The following SASH1 variants were observed in gnomAD, a reference collection of about 807,000 sequenced individuals.
The protein encoded by SASH1 is SAM and SH3 domain containing 1.
SASH1 carries 44 observed loss-of-function variants against 125.2 expected under a neutral mutation model. That is an observed-to-expected ratio of 0.35 (90% CI 0.28 to 0.45). The LOEUF is 0.45. Ranked by LOEUF, SASH1 falls within the 20% of genes least tolerant of loss-of-function variation. SASH1 has a pLI of 1.00. For synonymous variants in SASH1, 639 were observed against 649.1 expected (o/e 0.98, Z 0.24); for missense variants, 1,426 against 1,614.5 (o/e 0.88, Z 2.00).
At chr6:148,466,942 AT>A (rs905771851) in intron 4 of SASH1, among the ~76,000 whole-genome samples, 1 of 151,924 alleles carries the variant, frequency 6.6e-6, no homozygotes, top group African/African-American at 2.4e-5. Flanking sequence ...TCAGGTTTAA[AT>A]CCCCCAAGTG....
intron 1 of SASH1, among the ~76,000 whole-genome samples, chr6:148,279,054 C>A (rs1034761019): frequency 6.6e-6 from 1 of 151,266 alleles, no homozygotes; most frequent in Non-Finnish European, 1.5e-5. Flanking sequence ...TGCAGTGGTG[C>A]GATCTCAGCT....
chr6:148,261,624 C>T, the SASH1 span, among the ~76,000 whole-genome samples: 28 of 152,238 alleles, frequency 1.8e-4, no homozygotes, highest in African/African-American at 6.7e-4. Flanking sequence ...GTAGAACAGT[C>T]CCAGCGCCAC....
At position 148,548,381 on chromosome 6, in the gene SASH1, C is replaced by G. The variant is rs753697392; in HGVS notation, c.3567C>G (p.Ile1189Met). Residue 1189 changes from isoleucine to methionine, a missense_variant, in exon 20 of 20, where the codon ATC becomes ATG. By Grantham distance (10) the Ile-to-Met change is conservative (BLOSUM62 1). This residue lies in a region of SASH1 where 634 missense variants were observed against 694.4 expected (regional missense o/e 0.91). Transcript: ENST00000367467. Reference sequence around the variant, plus strand: ...CTGTGTCAGATTGGCTCATTTCCATCGGTCTGCCCATGTACGCCGGCACCC... The same window carrying G: ...CTGTGTCAGATTGGCTCATTTCCATGGGTCTGCCCATGTACGCCGGCACCC... Reference protein sequence around the residue: ...ISSVSDWLISIGLPMYAGTLS... With the variant: ...ISSVSDWLISMGLPMYAGTLS... 6.2e-7 allele frequency: 1 copy of G among 1,614,220 alleles called. No individual in the cohort carries two copies.
chr6:148,537,683 T>C (rs536770006), intron 16 of SASH1, among the ~76,000 whole-genome samples: 6 of 152,326 alleles, frequency 3.9e-5, no homozygotes, highest in African/African-American at 1.4e-4. Context: ...CCTTCTCTTC[T>C]TTCCCAAGGT....
At chr6:148,427,451 G>A (rs969867523) in intron 2 of SASH1, among the ~76,000 whole-genome samples, 5 of 152,174 alleles carry the variant, frequency 3.3e-5, no homozygotes, top group African/African-American at 1.2e-4. Context: ...TGTAAAAGGT[G>A]CATTCTTCTA....
At chr6:148,217,541 C>A in the SASH1 span, among the ~76,000 whole-genome samples, 1 of 152,170 alleles carries the variant, frequency 6.6e-6, no homozygotes, top group East Asian at 1.9e-4. Context: ...ACACAGCCAG[C>A]ATGTGGTGGA....
At chr6:148,297,700 T>A (rs1779801652) in intron 1 of SASH1, among the ~76,000 whole-genome samples, 3 of 152,032 alleles carry the variant, frequency 2.0e-5, no homozygotes, top group Admixed American at 2.0e-4. Flanking sequence ...TGTGGCAGCG[T>A]GCACCTGTAG....
intron 1 of SASH1, among the ~76,000 whole-genome samples, chr6:148,372,981 G>C (rs1429037426): frequency 6.6e-6 from 1 of 152,108 alleles, no homozygotes; most frequent in Admixed American, 6.5e-5. Flanking sequence ...GATCACCTGA[G>C]GTCAGGAGTT....
At chr6:148,505,414 A>C (rs769187184) in intron 8 of SASH1, among the ~76,000 whole-genome samples, 1 of 152,174 alleles carries the variant, frequency 6.6e-6, no homozygotes, top group Non-Finnish European at 1.5e-5. Context: ...CCCAGGTTCA[A>C]GCGATTCTTG....
chr6:148,527,892 T>C (rs1228446673), intron 12 of SASH1, among the ~76,000 whole-genome samples: 2 of 151,934 alleles, frequency 1.3e-5, no homozygotes, highest in Non-Finnish European at 2.9e-5. Context: ...GCACTAAGCG[T>C]TGTAAATTTG....
chr6:148,452,574 C>T (rs1487347661), intron 4 of SASH1, among the ~76,000 whole-genome samples: 3 of 152,152 alleles, frequency 2.0e-5, no homozygotes, highest in Admixed American at 6.5e-5. Context: ...ACAAGTTATT[C>T]GAATTCTTTA....
intron 8 of SASH1, among the ~76,000 whole-genome samples, chr6:148,505,740 C>T (rs533972167): frequency 5.3e-5 from 8 of 152,160 alleles, no homozygotes; most frequent in African/African-American, 1.7e-4. Context: ...CAGGTTCAAG[C>T]AATTCTCCTG....
intron 2 of SASH1, among the ~76,000 whole-genome samples, chr6:148,399,184 T>G (rs1368857680): frequency 1.3e-5 from 2 of 151,284 alleles, no homozygotes; most frequent in East Asian, 3.9e-4. Context: ...AGCTTCAGAT[T>G]TTTCAAATGT....
In SASH1 at chr6:148,540,695, T is replaced by A. The variant is rs1428818874; in HGVS notation, c.2209+139T>A. 9.2e-6 allele frequency: 6 copies of A among 652,700 alleles called. No individual in the cohort carries two copies. In the East Asian group the frequency reaches 1.7e-4, roughly 19 times the overall value. 40.4% of individuals were successfully genotyped at this position (652,700 alleles called of 1,614,324 possible). A position where few individuals can be genotyped will look rare whatever the true frequency, so the allele number is the denominator to read the frequency against. ...CTTTCTCACCTCTACACCATTCTAGTCCAAGTTAGCCTCCCTATCTATTCT... is the reference window on the plus strand; with the variant it reads ...CTTTCTCACCTCTACACCATTCTAGACCAAGTTAGCCTCCCTATCTATTCT... On this transcript the variant is annotated intron_variant, in intron 17 of 19. Transcript: ENST00000367467.
At chr6:148,333,851 C>G (rs1240258412) in intron 1 of SASH1, among the ~76,000 whole-genome samples, 1 of 151,744 alleles carries the variant, frequency 6.6e-6, no homozygotes, top group Non-Finnish European at 1.5e-5. Flanking sequence ...TAGACACAGT[C>G]ACGCTGTGTC....
At chr6:148,474,955 A>G (rs1778277448) in intron 7 of SASH1, among the ~76,000 whole-genome samples, 1 of 152,210 alleles carries the variant, frequency 6.6e-6, no homozygotes, top group African/African-American at 2.4e-5. Context: ...ATCCAAGTAA[A>G]TATTAATTGC....
rs1191557477 is a variant in SASH1 at position 148,360,347 on chromosome 6, G to GTT, written c.156+17140_156+17141dup. 4.1e-4 allele frequency among the ~76,000 whole-genome samples: 51 copies of GTT among 125,718 alleles called. 1 individual carries two copies. Among genetic ancestry groups the GTT allele is most frequent in the Non-Finnish European group, 5.5e-4 (32 of 58,064 alleles). 82.5% of individuals were successfully genotyped at this position (125,718 alleles called of 152,430 possible). The stretch of plus-strand genomic sequence containing the variant: ...CACAGGACTTGCTTTTAATGCCTTT[G>GTT]TTTTTTTTTTTTTTTTTCGAGACAG... On this transcript the variant is annotated intron_variant, in intron 1 of 19. Transcript: ENST00000367467.
intron 1 of SASH1, among the ~76,000 whole-genome samples, chr6:148,356,283 C>G (rs1401385005): frequency 6.6e-6 from 1 of 151,310 alleles, no homozygotes; most frequent in Non-Finnish European, 1.5e-5. Context: ...CAGAGTTTCA[C>G]CATGTTGGCC....
At chr6:148,315,493 G>C (rs181963216) in intron 1 of SASH1, among the ~76,000 whole-genome samples, 1 of 152,108 alleles carries the variant, frequency 6.6e-6, no homozygotes, top group Non-Finnish European at 1.5e-5. Flanking sequence ...TTAAAAGACC[G>C]TACTTTTTTA....
Sources: allele counts gnomAD v4.1 joint callset (sites outside exome capture counted in the v4.1 genomes callset), GRCh38; gene constraint gnomAD v4.1.1; regional missense constraint gnomAD v4.1.1; transcripts MANE v1.5; gene names NCBI Gene and HGNC (gene_info 2026-07-23, HGNC 2026-07-21).